NRROS: variants seen among roughly 807,000 people sequenced by gnomAD.
NRROS encodes the protein transforming growth factor beta activator LRRC33.
In NRROS, 6 loss-of-function variants were observed where a neutral mutation model predicts 12.0. The observed-to-expected ratio is 0.50, with a 90% CI of 0.27 to 0.98. NRROS has a LOEUF of 0.98. NRROS is among the 50% of genes least tolerant of loss of function. The pLI, the probability that NRROS is intolerant of heterozygous loss-of-function variation, is 0.11. For missense variants in NRROS, 857 were observed against 888.2 expected (o/e 0.96, Z 0.45); for synonymous variants, 462 against 410.2 (o/e 1.13, Z -1.53).
intron 1 of NRROS, among the ~76,000 whole-genome samples, chr3:196,645,597 T>C (rs1247353295): frequency 2.0e-5 from 3 of 152,162 alleles, no homozygotes; most frequent in Non-Finnish European, 4.4e-5. Context: ...TGGGAGTGAT[T>C]ATGCAGACCT....
intron 1 of NRROS, among the ~76,000 whole-genome samples, chr3:196,652,013 G>A (rs1013900411): frequency 7.2e-5 from 11 of 152,194 alleles, no homozygotes; most frequent in African/African-American, 2.7e-4. Context: ...TTGAGATTCA[G>A]AACCTTCAGA....
chr3:196,646,067 A>T (rs1353823152), intron 1 of NRROS, among the ~76,000 whole-genome samples: 2 of 152,244 alleles, frequency 1.3e-5, no homozygotes, highest in Non-Finnish European at 2.9e-5. Context: ...GTGAAGTCCG[A>T]ACATTCCCTT....
At chr3:196,646,162 G>A (rs553013890) in intron 1 of NRROS, among the ~76,000 whole-genome samples, 2 of 152,296 alleles carry the variant, frequency 1.3e-5, no homozygotes, top group African/African-American at 4.8e-5. Context: ...GCTGTCCTCC[G>A]TGGTCACCAC....
chr3:196,646,813 C>T (rs749589613), intron 1 of NRROS, among the ~76,000 whole-genome samples: 8 of 152,206 alleles, frequency 5.3e-5, no homozygotes, highest in East Asian at 1.9e-4. Flanking sequence ...ACCGGAGAAC[C>T]GGGTGGGAAC....
In NRROS at chr3:196,661,779, G is replaced by A; in HGVS notation, c.*57G>A. The A allele has an allele frequency of 1.4e-6, 2 of 1,442,486 alleles. No individual in the cohort carries two copies. Among genetic ancestry groups the A allele is most frequent in the Non-Finnish European group, 1.9e-6 (2 of 1,074,800 alleles). 89.4% of individuals were successfully genotyped at this position (1,442,486 alleles called of 1,614,324 possible). On this transcript the variant is annotated 3_prime_UTR_variant, in exon 3 of 3. Transcript: ENST00000328557. ...CCGCACACAACAGGACACTTTCTCT[G>A]CCAGCTTTCAAGATGTGATGCAGAG...
chr3:196,641,869 G>A (rs1737215655), intron 1 of NRROS, among the ~76,000 whole-genome samples: 1 of 152,146 alleles, frequency 6.6e-6, no homozygotes, highest in Non-Finnish European at 1.5e-5. Context: ...GGAGAGGGTG[G>A]ACTTTCAACC....
intron 2 of NRROS, among the ~76,000 whole-genome samples, chr3:196,657,203 CAAA>C (rs916834660): frequency 1.8e-5 from 2 of 112,960 alleles, no homozygotes; most frequent in Non-Finnish European, 3.8e-5. Flanking sequence ...GACTCCGTAT[CAAA>C]AAAAAAAAAA....
chr3:196,660,474 C>T lies in NRROS; in HGVS notation c.831C>T (p.Leu277=). 6.2e-7 allele frequency: 1 copy of T among 1,614,136 alleles called. No homozygotes were observed. Among genetic ancestry groups the T allele is most frequent in the Non-Finnish European group, 8.5e-7 (1 of 1,180,022 alleles). The change falls in exon 3 of 3, where the codon CTC becomes CTT. Residue 277 remains leucine, a synonymous_variant. Coordinates refer to ENST00000328557, the MANE Select transcript of NRROS (RefSeq NM_198565.3). This position sits in a 1 kb window ranked among gnomAD's most constrained non-coding sequence, Gnocchi z 7.7. ...CCCAGTACAGCAAGTTGCGGACCCT[C>T]CTGCTGCGCGACAACAACATGGGCT... ...LLPQYSKLRT[L]LLRDNNMGFY...
intron 1 of NRROS, among the ~76,000 whole-genome samples, chr3:196,648,871 A>C (rs1039812096): frequency 6.0e-5 from 9 of 151,156 alleles, no homozygotes; most frequent in Non-Finnish European, 1.0e-4. Flanking sequence ...AGACACCCCC[A>C]GCCCCACTCC....
chr3:196,644,813 G>A (rs1181892095), intron 1 of NRROS, among the ~76,000 whole-genome samples: 1 of 151,568 alleles, frequency 6.6e-6, no homozygotes, highest in Non-Finnish European at 1.5e-5. Flanking sequence ...AGGTGGCATG[G>A]GTGGTGCTGT....
At chr3:196,655,797 A>G (rs1057146748) in intron 2 of NRROS, among the ~76,000 whole-genome samples, 1 of 152,216 alleles carries the variant, frequency 6.6e-6, no homozygotes, top group Non-Finnish European at 1.5e-5. Flanking sequence ...TAGATGTGAA[A>G]ATAGACTTGG....
intron 1 of NRROS, among the ~76,000 whole-genome samples, chr3:196,645,959 C>A (rs753445787): frequency 4.6e-5 from 7 of 152,270 alleles, no homozygotes; most frequent in Middle Eastern, 3.2e-3. Context: ...ATTAATACAC[C>A]TCTTTGTCTC....
intron 1 of NRROS, among the ~76,000 whole-genome samples, chr3:196,647,973 A>T (rs905691390): frequency 3.3e-5 from 5 of 152,302 alleles, no homozygotes; most frequent in Admixed American, 6.5e-5. Context: ...AAGTGCTGGG[A>T]TTGCAGGTGT....
intron 1 of NRROS, among the ~76,000 whole-genome samples, chr3:196,647,954 G>A (rs1201476940): frequency 6.6e-6 from 1 of 152,098 alleles, no homozygotes; most frequent in Non-Finnish European, 1.5e-5. Flanking sequence ...CACCCACCTC[G>A]GACTCCCAAA....
At chr3:196,653,598 A>AG (rs1737475685) in intron 1 of NRROS, among the ~76,000 whole-genome samples, 1 of 152,230 alleles carries the variant, frequency 6.6e-6, no homozygotes, top group Non-Finnish European at 1.5e-5. Context: ...GGTCCCCAGC[A>AG]GGGCAGCAGT....
At position 196,661,452 on chromosome 3, in the gene NRROS, C is replaced by T. The variant is rs781220389; in HGVS notation, c.1809C>T (p.Gly603=). ...CATATGACTGCTGTGGGGTGGATGG[C>T]TGGGGGGCCCTGCAGCATGGGCAGA... ...QNPYDCCGVD[G]WGALQHGQTV... is the part of the protein sequence containing the mutation. The change falls in exon 3 of 3, where the codon GGC becomes GGT. Residue 603 remains glycine, a synonymous_variant. Transcript: ENST00000328557. 4.4e-6 allele frequency: 7 copies of T among 1,595,072 alleles called. No individual in the cohort carries two copies. The highest frequency in any genetic ancestry group is 3.4e-5 in the South Asian group (3 of 87,914).
At position 196,660,072 on chromosome 3, in the gene NRROS, C is replaced by G; in HGVS notation, c.429C>G (p.Ala143=). 1 of 1,613,302 alleles carries G rather than the reference C, an allele frequency of 6.2e-7. No individual in the cohort carries two copies. Among genetic ancestry groups the G allele is most frequent in the Non-Finnish European group, 8.5e-7 (1 of 1,179,962 alleles). ...GLRRLDLSGN[A]LTEDMAALML... ...GGAGGCTGGACTTGTCAGGAAACGC[C>G]CTGACGGAGGACATGGCAGCCCTCA... Residue 143 remains alanine (A), a synonymous_variant, in exon 3 of 3, where the codon GCC becomes GCG. Transcript: ENST00000328557. The surrounding 1 kb of genome is among the most constrained non-coding windows in gnomAD (Gnocchi z 7.7).
At chr3:196,657,276 A>G (rs1299283712) in intron 2 of NRROS, among the ~76,000 whole-genome samples, 3 of 151,852 alleles carry the variant, frequency 2.0e-5, no homozygotes, top group Non-Finnish European at 2.9e-5. Flanking sequence ...CTTCTACATC[A>G]CTTCAGCGGG....
At chr3:196,659,041 T>G (rs1737603532) in intron 2 of NRROS, among the ~76,000 whole-genome samples, 1 of 152,194 alleles carries the variant, frequency 6.6e-6, no homozygotes. Context: ...GATGGTTGTT[T>G]TTGCCAATTT....
Sources: allele counts gnomAD v4.1 joint callset (sites outside exome capture counted in the v4.1 genomes callset), GRCh38; gene constraint gnomAD v4.1.1; non-coding constraint Gnocchi (gnomAD v3.1); transcripts MANE v1.5; gene names NCBI Gene and HGNC (gene_info 2026-07-23, HGNC 2026-07-21).